Variants in FIG4 observed in about 807,000 individuals in gnomAD.
The protein encoded by FIG4 is FIG4 phosphoinositide 5-phosphatase.
A neutral mutation model predicts 118.6 loss-of-function variants in FIG4; 112 were observed. The ratio of observed to expected loss-of-function variants is 0.94; its 90% CI spans 0.81 to 1.11. The LOEUF is 1.11. FIG4 is among the 50% of genes least tolerant of loss of function. The pLI is 0.00. For synonymous variants in FIG4, 369 were observed against 381.2 expected (o/e 0.97, Z 0.37); for missense variants, 969 against 1,111.7 (o/e 0.87, Z 1.83).
chr6:109,741,509 G>A lies in FIG4; in HGVS notation c.841G>A (p.Gly281Ser). The A allele has an allele frequency of 6.2e-7, 1 of 1,613,156 alleles. No individual in the cohort carries two copies. The highest frequency in any genetic ancestry group is 8.5e-7 in the Non-Finnish European group (1 of 1,179,300). ...AGCTAGAAGATCCAGTAAATTTGCT[G>A]GCACCCGTTTTCTTAAAAGAGGTGC... ...LIARRSSKFA[G>S]TRFLKRGANC... is the part of the protein sequence containing the mutation. Residue 281 changes from glycine (G) to serine (S), a missense_variant, in exon 8 of 23, where the codon GGC (glycine) becomes AGC (serine). By Grantham distance (56) the Gly-to-Ser change is moderately conservative. Coordinates refer to ENST00000230124, the MANE Select transcript of FIG4 (RefSeq NM_014845.6).
intron 22 of FIG4, among the ~76,000 whole-genome samples, chr6:109,801,176 T>A (rs1778417352): frequency 1.3e-5 from 2 of 152,204 alleles, no homozygotes; most frequent in Non-Finnish European, 2.9e-5. Flanking sequence ...TGGTTCAAAA[T>A]ATAATACAGT....
At chr6:109,698,410 T>C (rs558233520) in intron 1 of FIG4, among the ~76,000 whole-genome samples, 1 of 152,322 alleles carries the variant, frequency 6.6e-6, no homozygotes, top group Admixed American at 6.5e-5. Context: ...TTTCATGGAA[T>C]CTGTAGACCA....
chr6:109,722,560 A>G (rs1166397590), intron 3 of FIG4, among the ~76,000 whole-genome samples: 1 of 151,986 alleles, frequency 6.6e-6, no homozygotes, highest in Non-Finnish European at 1.5e-5. Flanking sequence ...AAACAAAGGG[A>G]ATGTATGTGT....
rs568488531 is a variant in FIG4 at position 109,767,733 on chromosome 6, G to A, written c.1750+838G>A. Among the ~76,000 whole-genome samples the A allele has an allele frequency of 5.9e-5, 9 of 152,286 alleles. No individual in the cohort carries two copies. The South Asian group carries it at 6.2e-4, about 11-fold the overall frequency. ...AAAAAATTACAAAAATTAGCCAGGC[G>A]TGGTGATGGGGGCCTGTAGTCCCAG... On this transcript the variant is annotated intron_variant, in intron 15 of 22. Coordinates refer to ENST00000230124, the MANE Select transcript of FIG4 (RefSeq NM_014845.6).
chr6:109,741,531 G>T lies in FIG4; in HGVS notation c.863G>T (p.Gly288Val), dbSNP rs1057519188. The T allele has an allele frequency of 1.2e-6, 2 of 1,604,922 alleles. No homozygotes were observed. Among genetic ancestry groups the T allele is most frequent in the Non-Finnish European group, 1.7e-6 (2 of 1,171,812 alleles). ...GCTGGCACCCGTTTTCTTAAAAGAGGTGCAAACTGTGAGGTAAGATGACAA... is the reference window on the plus strand; with the variant it reads ...GCTGGCACCCGTTTTCTTAAAAGAGTTGCAAACTGTGAGGTAAGATGACAA... The part of the protein sequence containing the change: ...KFAGTRFLKR[G>V]ANCEGDVANE... Residue 288 changes from glycine to valine, a missense_variant, in exon 8 of 23, where the codon GGT becomes GTT. By Grantham distance (109) the Gly-to-Val change is moderately radical. This residue lies in a region of FIG4 where 393 missense variants were observed against 409.4 expected (regional missense o/e 0.96). Coordinates refer to ENST00000230124, the MANE Select transcript of FIG4 (RefSeq NM_014845.6).
chr6:109,812,536 G>A (rs907168643), intron 22 of FIG4, among the ~76,000 whole-genome samples: 1 of 152,230 alleles, frequency 6.6e-6, no homozygotes, highest in African/African-American at 2.4e-5. Flanking sequence ...AACTCAAGAG[G>A]AGTTGGTTTC....
intron 22 of FIG4, among the ~76,000 whole-genome samples, chr6:109,813,317 T>C (rs1778771823): frequency 6.6e-6 from 1 of 152,146 alleles, no homozygotes; most frequent in African/African-American, 2.4e-5. Flanking sequence ...AAAATCACAA[T>C]ACAATCAGGA....
At chr6:109,732,581 C>A in intron 4 of FIG4, 56 bp from the exon 5 acceptor site, 1 of 912,714 alleles carries the variant, frequency 1.1e-6, no homozygotes, top group Non-Finnish European at 1.8e-6. Context: ...ACATGTTAAA[C>A]TGTGAGAAAT....
chr6:109,774,094 G>A (rs1777546981), intron 15 of FIG4, among the ~76,000 whole-genome samples: 2 of 152,194 alleles, frequency 1.3e-5, no homozygotes, highest in South Asian at 4.1e-4. Context: ...TTACAGGCAT[G>A]AGCCTCCATG....
intron 22 of FIG4, among the ~76,000 whole-genome samples, chr6:109,806,556 A>G (rs1778569707): frequency 6.6e-6 from 1 of 151,582 alleles, no homozygotes; most frequent in Non-Finnish European, 1.5e-5. Context: ...ATGATTAGGG[A>G]TCATCTGATT....
rs1778139338 is a variant in FIG4 at position 109,791,569 on chromosome 6, G to A, written c.2374G>A (p.Glu792Lys). 6.2e-7 allele frequency: 1 copy of A among 1,613,668 alleles called. No individual in the cohort carries two copies. The highest frequency in any genetic ancestry group is 8.5e-7 in the Non-Finnish European group (1 of 1,179,868). Reference protein sequence around the residue: ...TDAGDSAKVTENVVQPMKELY... With the variant: ...TDAGDSAKVTKNVVQPMKELY... ...TGCAGGAGACAGTGCCAAAGTGACCGAGGTGCGGGGGAGGGAAGCCTGTGG... is the reference window on the plus strand; with the variant it reads ...TGCAGGAGACAGTGCCAAAGTGACCAAGGTGCGGGGGAGGGAAGCCTGTGG... Residue 792 changes from glutamate to lysine, a missense_variant and splice_region_variant, in exon 20 of 23, where the codon GAG becomes AAG. By Grantham distance (56) the Glu-to-Lys change is moderately conservative (BLOSUM62 1). Around this residue, in one of 3 missense-constraint regions of FIG4, gnomAD observed 330 missense variants for 348.1 expected, o/e 0.95. Coordinates refer to ENST00000230124, the MANE Select transcript of FIG4 (RefSeq NM_014845.6).
intron 4 of FIG4, among the ~76,000 whole-genome samples, chr6:109,730,623 G>T (rs1775969204): frequency 6.6e-6 from 1 of 152,082 alleles, no homozygotes; most frequent in African/African-American, 2.4e-5. Context: ...CCTAGAAAAA[G>T]ATCCATTTTA....
At chr6:109,726,683 A>G (rs1052584347) in intron 3 of FIG4, among the ~76,000 whole-genome samples, 3 of 152,186 alleles carry the variant, frequency 2.0e-5, no homozygotes, top group Admixed American at 6.5e-5. Flanking sequence ...CATTGAATCT[A>G]TAAATACTTT....
rs148910191 is a variant in FIG4, at chr6:109,751,299, T to G, written c.1137+7527T>G. ...TCTATAAAAACTCACCATGCTCTGCTGCTGGATTCGGTTTGCCAGTATTTT... is the reference window on the plus strand; with the variant it reads ...TCTATAAAAACTCACCATGCTCTGCGGCTGGATTCGGTTTGCCAGTATTTT... On this transcript the variant is annotated intron_variant, in intron 10 of 22. Coordinates refer to ENST00000230124, the MANE Select transcript of FIG4 (RefSeq NM_014845.6). Among the ~76,000 whole-genome samples the G allele has an allele frequency of 3.0e-3, 454 of 152,370 alleles. 3 individuals carry two copies. The highest frequency in any genetic ancestry group is 9.9e-3 in the African/African-American group (411 of 41,588).
chr6:109,695,542 T>G (rs1774684717), intron 1 of FIG4, among the ~76,000 whole-genome samples: 1 of 151,926 alleles, frequency 6.6e-6, no homozygotes, highest in South Asian at 2.1e-4. Context: ...TACTGTTCTT[T>G]AGCTTTCCAG....
At chr6:109,759,748 A>T (rs1431901359) in intron 10 of FIG4, among the ~76,000 whole-genome samples, 2 of 152,252 alleles carry the variant, frequency 1.3e-5, no homozygotes, top group African/African-American at 2.4e-5. Context: ...AAAGAAAAAG[A>T]AATGCCTGTT....
chr6:109,754,620 C>T (rs1206404993), intron 10 of FIG4, among the ~76,000 whole-genome samples: 1 of 152,064 alleles, frequency 6.6e-6, no homozygotes, highest in Non-Finnish European at 1.5e-5. Context: ...ATTTCAGATC[C>T]TGTTATTGGT....
At chr6:109,691,629 C>A in intron 1 of FIG4, 128 bp downstream of exon 1, 1 of 916,224 alleles carries the variant, frequency 1.1e-6, no homozygotes, top group Non-Finnish European at 1.7e-6. Context: ...CCCTGTCAAA[C>A]ACAGCCTTGG....
At chr6:109,700,493 CCT>C (rs1384930289) in intron 1 of FIG4, among the ~76,000 whole-genome samples, 2 of 152,008 alleles carry the variant, frequency 1.3e-5, no homozygotes, top group Non-Finnish European at 1.5e-5. Flanking sequence ...CCTTTTTCCC[CCT>C]GTTAGAATGG....
Sources: gnomAD v4.1 joint callset for allele counts (sites outside exome capture counted in the v4.1 genomes callset) on GRCh38, gnomAD v4.1.1 for gene constraint, gnomAD v4.1.1 regional missense constraint, MANE v1.5 for transcripts, NCBI Gene and HGNC (gene_info 2026-07-23, HGNC 2026-07-21) for gene names.